GMDS: variants seen among roughly 807,000 people sequenced by gnomAD.
GMDS encodes the protein GDP-mannose 4,6 dehydratase.
A neutral mutation model predicts 49.9 loss-of-function variants in GMDS; 20 were observed. The ratio of observed to expected loss-of-function variants is 0.40; its 90% CI spans 0.28 to 0.58. The LOEUF (loss-of-function observed/expected upper bound fraction) is 0.58. Ranked by LOEUF, GMDS falls within the 20% of genes least tolerant of loss-of-function variation. The pLI is 0.42. For synonymous variants in GMDS, 177 were observed against 178.6 expected, an observed-to-expected ratio of 0.99 and a Z score of 0.07; for missense variants, 362 against 481.4, an observed-to-expected ratio of 0.75 and a Z score of 2.32.
chr6:1,980,828 A>G (rs75909503), intron 4 of GMDS, among the ~76,000 whole-genome samples: 1,850 of 152,294 alleles, frequency 0.012, 38 homozygotes, highest in African/African-American at 0.042. Context: ...AACTGAAATC[A>G]TAACAGTTTC....
chr6:1,755,132 C>T (rs1767892261), intron 7 of GMDS, among the ~76,000 whole-genome samples: 1 of 152,250 alleles, frequency 6.6e-6, no homozygotes, highest in Non-Finnish European at 1.5e-5. Flanking sequence ...TTAGAAAACC[C>T]CACTGTCTCA....
chr6:2,058,804 A>G (rs1490569663), intron 4 of GMDS, among the ~76,000 whole-genome samples: 1 of 152,218 alleles, frequency 6.6e-6, no homozygotes, highest in African/African-American at 2.4e-5. Context: ...CATTCTGCCC[A>G]CTAGACTAGG....
intron 9 of GMDS, among the ~76,000 whole-genome samples, chr6:1,723,149 C>T (rs1188283311): frequency 6.6e-6 from 1 of 152,160 alleles, no homozygotes; most frequent in Non-Finnish European, 1.5e-5. Flanking sequence ...TATGGAACCA[C>T]TGGTGGCCTC....
intron 4 of GMDS, among the ~76,000 whole-genome samples, chr6:1,969,473 G>C (rs571871507): frequency 4.6e-5 from 7 of 152,210 alleles, no homozygotes; most frequent in African/African-American, 1.7e-4. Context: ...ACACATTAAT[G>C]AGTAAGGCTG....
intron 4 of GMDS, among the ~76,000 whole-genome samples, chr6:2,080,101 G>A (rs1772590330): frequency 6.6e-6 from 1 of 151,966 alleles, no homozygotes; most frequent in East Asian, 1.9e-4. Context: ...CTAGACTATT[G>A]TTGAATCTAA....
At chr6:1,886,538 A>G (rs1404165846) in intron 7 of GMDS, among the ~76,000 whole-genome samples, 1 of 152,238 alleles carries the variant, frequency 6.6e-6, no homozygotes, top group East Asian at 1.9e-4. Flanking sequence ...AGCATTCTCA[A>G]TAAAAAATAG....
At chr6:1,909,885 G>A (rs921401034) in intron 7 of GMDS, among the ~76,000 whole-genome samples, 30 of 152,166 alleles carry the variant, frequency 2.0e-4, no homozygotes, top group African/African-American at 7.2e-4. Flanking sequence ...CATAACCGTA[G>A]TTAAGAACAG....
At chr6:1,769,233 C>T (rs188986391) in intron 7 of GMDS, among the ~76,000 whole-genome samples, 52 of 152,282 alleles carry the variant, frequency 3.4e-4, no homozygotes, top group African/African-American at 1.2e-3. Flanking sequence ...AAAGAGGAAG[C>T]GGATCCTTCT....
chr6:2,229,748 A>G (rs1160275161), intron 1 of GMDS, among the ~76,000 whole-genome samples: 1 of 152,234 alleles, frequency 6.6e-6, no homozygotes. Context: ...ATATTTGCCT[A>G]TTAACACAAT....
At chr6:1,776,515 C>CT (rs914578882) in intron 7 of GMDS, among the ~76,000 whole-genome samples, 2 of 148,936 alleles carry the variant, frequency 1.3e-5, no homozygotes, top group African/African-American at 5.1e-5. Context: ...TGGCAAGACT[C>CT]TGTCTCTACA....
chr6:2,021,704 C>T (rs1022967884), intron 4 of GMDS, among the ~76,000 whole-genome samples: 10 of 152,186 alleles, frequency 6.6e-5, no homozygotes, highest in African/African-American at 2.4e-4. Context: ...GTTATATCCA[C>T]TAACGACAGC....
chr6:1,666,360 G>T (rs185053771), intron 9 of GMDS, among the ~76,000 whole-genome samples: 147 of 152,170 alleles, frequency 9.7e-4, no homozygotes, highest in African/African-American at 3.4e-3. Flanking sequence ...GATGCACCAA[G>T]ACCAAGAATA....
At chr6:1,632,995 A>C (rs1763042857) in intron 9 of GMDS, among the ~76,000 whole-genome samples, 1 of 152,252 alleles carries the variant, frequency 6.6e-6, no homozygotes, top group Non-Finnish European at 1.5e-5. Flanking sequence ...TTCAGGTTTT[A>C]AATCTGTAAA....
rs975223418 is a variant in GMDS, at chr6:1,779,197, A to G, written c.772-36611T>C. 2.6e-5 allele frequency among the ~76,000 whole-genome samples: 4 copies of G among 152,162 alleles called. No homozygotes were observed. The East Asian group carries it at 5.8e-4, about 22-fold the overall frequency. Reference sequence around the variant, plus strand: ...TGGAGGACTTTCTGTCCAAGGCTCCACTTACTGGAAACTTCAGAGGAGGGT... The same window carrying G: ...TGGAGGACTTTCTGTCCAAGGCTCCGCTTACTGGAAACTTCAGAGGAGGGT... On this transcript the variant is annotated intron_variant, in intron 7 of 10. Coordinates refer to ENST00000380815, the MANE Select transcript of GMDS (RefSeq NM_001500.4).
At chr6:2,181,513 G>A (rs1035414964) in intron 1 of GMDS, among the ~76,000 whole-genome samples, 1 of 151,948 alleles carries the variant, frequency 6.6e-6, no homozygotes, top group Non-Finnish European at 1.5e-5. Context: ...TAAACTGAAG[G>A]CTTGTGGCAA....
intron 9 of GMDS, among the ~76,000 whole-genome samples, chr6:1,685,622 G>C (rs1764950126): frequency 6.6e-6 from 1 of 152,144 alleles, no homozygotes; most frequent in Non-Finnish European, 1.5e-5. Flanking sequence ...TTCCCAGATT[G>C]GGAGACAGGA....
At chr6:1,709,034 C>G (rs1217970992) in intron 9 of GMDS, among the ~76,000 whole-genome samples, 2 of 152,166 alleles carry the variant, frequency 1.3e-5, no homozygotes, top group Non-Finnish European at 2.9e-5. Flanking sequence ...CCCTGATTGC[C>G]GAGAACCGTG....
At chr6:2,093,123 T>C (rs988936905) in intron 4 of GMDS, among the ~76,000 whole-genome samples, 8 of 152,172 alleles carry the variant, frequency 5.3e-5, no homozygotes, top group African/African-American at 1.4e-4. Flanking sequence ...AATATTTCCA[T>C]TGTGACCAGT....
chr6:2,189,196 G>A (rs1012117765), intron 1 of GMDS, among the ~76,000 whole-genome samples: 1 of 152,006 alleles, frequency 6.6e-6, no homozygotes, highest in African/African-American at 2.4e-5. Context: ...CTGGTCTGAG[G>A]GAAAAAAGGG....
Sources: allele counts gnomAD v4.1 joint callset (sites outside exome capture counted in the v4.1 genomes callset), GRCh38; gene constraint gnomAD v4.1.1; transcripts MANE v1.5; gene names NCBI Gene and HGNC (gene_info 2026-07-23, HGNC 2026-07-21).